VTI1A: variants seen among roughly 807,000 people sequenced by gnomAD.
VTI1A encodes the protein vesicle transport through interaction with t-SNAREs 1A.
A neutral mutation model predicts 34.9 loss-of-function variants in VTI1A; 22 were observed. That is an observed-to-expected ratio of 0.63 (90% CI 0.45 to 0.90). The LOEUF is 0.90. Among genes scored for constraint, VTI1A ranks in the 40% least tolerant of loss-of-function variants. The pLI, the probability that VTI1A is intolerant of heterozygous loss-of-function variation, is 0.00. For synonymous variants in VTI1A, 87 were observed against 97.3 expected (o/e 0.89, Z 0.62); for missense variants, 268 against 275.6 (o/e 0.97, Z 0.20).
At chr10:112,627,520 C>A (rs1178542005) in intron 5 of VTI1A, among the ~76,000 whole-genome samples, 1 of 152,144 alleles carries the variant, frequency 6.6e-6, no homozygotes, top group Non-Finnish European at 1.5e-5. Context: ...ATCTATCTCT[C>A]CCACTCTAAC....
intron 7 of VTI1A, among the ~76,000 whole-genome samples, chr10:112,739,945 T>C (rs1201248209): frequency 6.6e-6 from 1 of 152,264 alleles, no homozygotes; most frequent in African/African-American, 2.4e-5. Context: ...TAATCATTTT[T>C]TTTAAATTAT....
At chr10:112,592,001 G>A (rs368064288) in intron 5 of VTI1A, among the ~76,000 whole-genome samples, 8 of 152,120 alleles carry the variant, frequency 5.3e-5, no homozygotes, top group Admixed American at 1.3e-4. Context: ...CAAATATGTC[G>A]TCTCTGGTCT....
intron 3 of VTI1A, among the ~76,000 whole-genome samples, chr10:112,479,509 C>T (rs1183848151): frequency 2.6e-5 from 4 of 152,104 alleles, no homozygotes; most frequent in Non-Finnish European, 5.9e-5. Context: ...CATCAAATAA[C>T]CAGGAAAAAT....
chr10:112,478,619 G>C (rs1203694506), intron 3 of VTI1A, among the ~76,000 whole-genome samples: 1 of 152,040 alleles, frequency 6.6e-6, no homozygotes, highest in Non-Finnish European at 1.5e-5. Context: ...GATAGCTTTT[G>C]TATTCTAGCA....
In VTI1A at chr10:112,818,244, C is replaced by T. The variant is rs770452921; in HGVS notation, c.*2861C>T. 3.3e-4 allele frequency: 77 copies of T among 232,708 alleles called. No homozygotes were observed. Among genetic ancestry groups the T allele is most frequent in the Non-Finnish European group, 6.8e-5 (8 of 117,536 alleles). The allele number at this position is 232,708 out of a possible 1,614,324, so 14.4% of individuals were successfully genotyped here. A position where few individuals can be genotyped will look rare whatever the true frequency, so the allele number is the denominator to read the frequency against. On this transcript the variant is annotated 3_prime_UTR_variant, in exon 8 of 8. Transcript: ENST00000393077. The stretch of plus-strand genomic sequence containing the variant: ...ATTGTGCGGCTCTGGCCATCCCATG[C>T]GGGGCAAGCCCATTGAGGGTTATCA...
chr10:112,789,721 C>T (rs550551416), intron 7 of VTI1A, among the ~76,000 whole-genome samples: 36 of 152,188 alleles, frequency 2.4e-4, no homozygotes, highest in Admixed American at 2.2e-3. Flanking sequence ...TGTAGAATTT[C>T]CGTTTGGCTC....
At position 112,538,261 on chromosome 10, in the gene VTI1A, G is replaced by A. The variant is rs574552941; in HGVS notation, c.358G>A (p.Asp120Asn). 6.8e-6 allele frequency: 11 copies of A among 1,612,908 alleles called. No homozygotes were observed. Among genetic ancestry groups the A allele is most frequent in the African/African-American group, 2.7e-5 (2 of 74,706 alleles). ...TCTTTTTCAGAGGGCACATCTGCTCGATAACACAGAGAGGCTGGAAAGGTC... is the reference window on the plus strand; with the variant it reads ...TCTTTTTCAGAGGGCACATCTGCTCAATAACACAGAGAGGCTGGAAAGGTC... The part of the protein sequence containing the change: ...SSENQRAHLL[D>N]NTERLERSSR... Residue 120 changes from aspartate (D) to asparagine (N), a missense_variant, in exon 5 of 8, where the codon GAT becomes AAT. Coordinates refer to ENST00000393077, the MANE Select transcript of VTI1A (RefSeq NM_145206.4).
chr10:112,784,059 C>A (rs1000846285), intron 7 of VTI1A, among the ~76,000 whole-genome samples: 2 of 152,184 alleles, frequency 1.3e-5, no homozygotes, highest in African/African-American at 2.4e-5. Flanking sequence ...TAAAGCAGAA[C>A]ATTTAAACAC....
chr10:112,818,153 G>C lies in VTI1A; in HGVS notation c.*2770G>C, dbSNP rs1195432163. The C allele has an allele frequency of 1.3e-5, 3 of 233,280 alleles. No homozygotes were observed. Among genetic ancestry groups the C allele is most frequent in the Non-Finnish European group, 2.5e-5 (3 of 117,836 alleles). The allele number at this position is 233,280 out of a possible 1,614,324, so 14.5% of individuals were successfully genotyped here. A position where few individuals can be genotyped will look rare whatever the true frequency, so the allele number is the denominator to read the frequency against. ...TGTCTTATTTTGGAACCAGCTTGGT[G>C]GGGGGTTTGCTTTGCTACTGCTTCT... On this transcript the variant is annotated 3_prime_UTR_variant, in exon 8 of 8. Coordinates refer to ENST00000393077, the MANE Select transcript of VTI1A (RefSeq NM_145206.4).
chr10:112,498,766 T>G (rs1323698603), intron 3 of VTI1A, among the ~76,000 whole-genome samples: 6 of 152,214 alleles, frequency 3.9e-5, no homozygotes. Context: ...TTTGTTTGTT[T>G]ATGTGACTTC....
chr10:112,813,978 G>A (rs529917528), intron 7 of VTI1A, among the ~76,000 whole-genome samples: 10 of 152,316 alleles, frequency 6.6e-5, no homozygotes, highest in African/African-American at 2.4e-4. Context: ...AGGGGGCCAC[G>A]AGGGAGTGGG....
intron 3 of VTI1A, among the ~76,000 whole-genome samples, chr10:112,503,306 C>A (rs192574410): frequency 6.6e-6 from 1 of 152,162 alleles, no homozygotes; most frequent in Admixed American, 6.5e-5. Flanking sequence ...CCAATCTGTT[C>A]TCCATCTTCA....
intron 7 of VTI1A, among the ~76,000 whole-genome samples, chr10:112,811,464 G>T (rs1168825821): frequency 6.6e-6 from 1 of 152,068 alleles, no homozygotes; most frequent in Non-Finnish European, 1.5e-5. Context: ...GGAGGCCGAG[G>T]CGGGCGGATC....
intron 3 of VTI1A, among the ~76,000 whole-genome samples, chr10:112,468,921 A>G (rs867425303): frequency 7.2e-5 from 11 of 152,196 alleles, no homozygotes; most frequent in Admixed American, 3.3e-4. Flanking sequence ...CCACCTAAAT[A>G]TCTCTACTAC....
At chr10:112,697,195 C>CTTT (rs757143967) in intron 7 of VTI1A, among the ~76,000 whole-genome samples, 2 of 140,106 alleles carry the variant, frequency 1.4e-5, no homozygotes, top group South Asian at 2.3e-4. Flanking sequence ...TTCTTCTGTT[C>CTTT]TTTTTTTTTT....
At chr10:112,722,367 G>A (rs1410239498) in intron 7 of VTI1A, among the ~76,000 whole-genome samples, 1 of 152,034 alleles carries the variant, frequency 6.6e-6, no homozygotes, top group South Asian at 2.1e-4. Context: ...TCGTTGGGTG[G>A]GGGGATGGGG....
At chr10:112,770,624 T>TCTC (rs1307065436) in intron 7 of VTI1A, among the ~76,000 whole-genome samples, 1 of 151,516 alleles carries the variant, frequency 6.6e-6, no homozygotes, top group African/African-American at 2.4e-5. Flanking sequence ...GCCAGGAAGG[T>TCTC]CTCGATCTCC....
intron 5 of VTI1A, among the ~76,000 whole-genome samples, chr10:112,627,122 G>A (rs1249148492): frequency 2.0e-5 from 3 of 152,114 alleles, no homozygotes; most frequent in Non-Finnish European, 4.4e-5. Context: ...TAAATGATGA[G>A]CTTTGAATAA....
intron 5 of VTI1A, among the ~76,000 whole-genome samples, chr10:112,553,196 G>A (rs1851426606): frequency 6.6e-6 from 1 of 152,196 alleles, no homozygotes; most frequent in Non-Finnish European, 1.5e-5. Flanking sequence ...TGCCAAGTCA[G>A]GTCACCTCTC....
Sources: gnomAD v4.1 joint callset for allele counts (sites outside exome capture counted in the v4.1 genomes callset) on GRCh38, gnomAD v4.1.1 for gene constraint, MANE v1.5 for transcripts, NCBI Gene and HGNC (gene_info 2026-07-23, HGNC 2026-07-21) for gene names.